The following PRKCE variants were observed in gnomAD, a reference collection of about 807,000 sequenced individuals.
The protein encoded by PRKCE is protein kinase C epsilon.
A neutral mutation model predicts 85.4 loss-of-function variants in PRKCE; 16 were observed. The observed-to-expected ratio is 0.19, with a 90% CI of 0.13 to 0.28. The LOEUF (loss-of-function observed/expected upper bound fraction) is 0.28. Ranked by LOEUF, PRKCE falls within the 10% of genes least tolerant of loss-of-function variation. The probability of loss-of-function intolerance (pLI) is 1.00; values close to 1 mark genes in which losing one functional copy is unlikely to be tolerated. For synonymous variants in PRKCE, 388 were observed against 371.5 expected (o/e 1.04, Z -0.51); for missense variants, 573 against 975.2 (o/e 0.59, Z 5.49).
chr2:45,936,475 G>A (rs1050604647), intron 2 of PRKCE, among the ~76,000 whole-genome samples: 1 of 152,168 alleles, frequency 6.6e-6, no homozygotes, highest in African/African-American at 2.4e-5. Context: ...ATCCAGTAGC[G>A]CCTCTGCCCT....
Position 45,653,696 on chromosome 2 carries a change from G to C in PRKCE, c.348+1248G>C, listed in dbSNP as rs116955393. 4.5e-4 allele frequency among the ~76,000 whole-genome samples: 69 copies of C among 152,198 alleles called. 1 individual carries two copies. The East Asian group carries it at 0.011, about 23-fold the overall frequency. ...CGGAGTTTTAGGGAAAAATAAGAGAGAGCCTGTTGTTTTTGTGCTCATGGC... is the reference window on the plus strand; with the variant it reads ...CGGAGTTTTAGGGAAAAATAAGAGACAGCCTGTTGTTTTTGTGCTCATGGC... On this transcript the variant is annotated intron_variant, in intron 1 of 14. Transcript: ENST00000306156.
In PRKCE at chr2:45,669,250, T is replaced by TAAGA. The variant is rs547552842; in HGVS notation, c.348+16803_348+16806dup. Among the ~76,000 whole-genome samples, 84 of 152,308 alleles carry TAAGA rather than the reference T, an allele frequency of 5.5e-4. 3 individuals are homozygous for TAAGA. Among genetic ancestry groups the TAAGA allele is most frequent in the Admixed American group, 4.2e-3 (64 of 15,298 alleles). On this transcript the variant is annotated intron_variant, in intron 1 of 14. Transcript: ENST00000306156. ...AAGGGGAAAAGGGGAGGAAGACAGA[T>TAAGA]AAGACAGTGATTCAGAAACAAGCAG...
At chr2:45,734,155 A>G (rs1012442348) in intron 1 of PRKCE, among the ~76,000 whole-genome samples, 1 of 152,150 alleles carries the variant, frequency 6.6e-6, no homozygotes, top group African/African-American at 2.4e-5. Flanking sequence ...TCATGAGGTC[A>G]ATAGATTGAG....
intron 1 of PRKCE, among the ~76,000 whole-genome samples, chr2:45,790,158 T>G (rs1338621301): frequency 6.6e-6 from 1 of 152,214 alleles, no homozygotes; most frequent in Non-Finnish European, 1.5e-5. Context: ...GTGCATTTTG[T>G]AGTTGCAAAA....
Position 46,086,303 on chromosome 2 carries a change from C to T in PRKCE, c.1533C>T (p.Phe511=), listed in dbSNP as rs765421914. 10 of 1,599,726 alleles carry T rather than the reference C, an allele frequency of 6.3e-6. No individual in the cohort carries two copies. Among genetic ancestry groups the T allele is most frequent in the Non-Finnish European group, 8.5e-6 (10 of 1,179,944 alleles). The stretch of plus-strand genomic sequence containing the variant: ...AATTCGACGAGCCTCGTTCACGGTT[C>T]TATGCTGCAGAGGTCACATCGGCCC... The part of the protein sequence containing the change: ...SRKFDEPRSR[F]YAAEVTSALM... The change falls in exon 11 of 15, where the codon TTC becomes TTT. Residue 511 remains phenylalanine (F), a synonymous_variant. Coordinates refer to ENST00000306156, the MANE Select transcript of PRKCE (RefSeq NM_005400.3).
chr2:46,154,124 C>T (rs1015497636), intron 13 of PRKCE, among the ~76,000 whole-genome samples: 5 of 152,098 alleles, frequency 3.3e-5, no homozygotes, highest in Admixed American at 6.5e-5. Flanking sequence ...AGCTTCCATT[C>T]GATTCCCAGT....
intron 8 of PRKCE, 91 bp from the exon 9 acceptor site, chr2:46,007,371 A>C: frequency 7.8e-7 from 1 of 1,286,294 alleles, no homozygotes. Flanking sequence ...GAGGACTGAG[A>C]GCTTACAGGG....
intron 11 of PRKCE, among the ~76,000 whole-genome samples, chr2:46,133,523 G>A (rs768124168): frequency 6.6e-6 from 1 of 152,176 alleles, no homozygotes. Context: ...TTATTACATA[G>A]TAGGGGCAAG....
intron 2 of PRKCE, among the ~76,000 whole-genome samples, chr2:45,901,684 C>T (rs1696593018): frequency 6.6e-6 from 1 of 152,122 alleles, no homozygotes; most frequent in South Asian, 2.1e-4. Context: ...TTTACATTTC[C>T]CATTATGTAT....
chr2:45,932,093 C>T (rs1357804340), intron 2 of PRKCE, among the ~76,000 whole-genome samples: 1 of 152,212 alleles, frequency 6.6e-6, no homozygotes, highest in African/African-American at 2.4e-5. Flanking sequence ...CCTCCATCCT[C>T]TCTTCTGCTC....
Position 46,044,801 on chromosome 2 carries a change from A to G in PRKCE, c.1437+34284A>G, listed in dbSNP as rs116173452. On this transcript the variant is annotated intron_variant, in intron 10 of 14. Coordinates refer to ENST00000306156, the MANE Select transcript of PRKCE (RefSeq NM_005400.3). Reference sequence around the variant, plus strand: ...CCTCTTAGCTCTGGATGAGCCCAGTATTGGAGCTGTGGATCCACTCTGTGC... The same window carrying G: ...CCTCTTAGCTCTGGATGAGCCCAGTGTTGGAGCTGTGGATCCACTCTGTGC... 4.2e-3 allele frequency among the ~76,000 whole-genome samples: 641 copies of G among 152,320 alleles called. 7 individuals carry two copies. The highest frequency in any genetic ancestry group is 0.015 in the African/African-American group (613 of 41,574).
At chr2:46,064,280 C>CCAAAAA (rs1667418057) in intron 10 of PRKCE, among the ~76,000 whole-genome samples, 1 of 90,848 alleles carries the variant, frequency 1.1e-5, no homozygotes, top group Non-Finnish European at 2.3e-5. Flanking sequence ...GACTCTGTCT[C>CCAAAAA]AAAAAAAAAA....
At position 46,185,647 on chromosome 2, in the gene PRKCE, G is replaced by T. The variant is rs1045792566; in HGVS notation, c.*766G>T. 6.6e-6 allele frequency: 1 copy of T among 152,628 alleles called. No individual in the cohort carries two copies. The highest frequency in any genetic ancestry group is 1.5e-5 in the Non-Finnish European group (1 of 68,036). The allele number at this position is 152,628 out of a possible 1,614,324, so 9.5% of individuals were successfully genotyped here. On this transcript the variant is annotated 3_prime_UTR_variant, in exon 15 of 15. Coordinates refer to ENST00000306156, the MANE Select transcript of PRKCE (RefSeq NM_005400.3). The surrounding 1 kb of genome is among the most constrained non-coding windows in gnomAD (Gnocchi z 4.7). ...ATGAGTTCCAGTCTGAATACAGGTA[G>T]ATATTAAAGGGCTAATAAAAAATGA...
At chr2:46,046,893 T>C (rs1209023413) in intron 10 of PRKCE, among the ~76,000 whole-genome samples, 1 of 152,196 alleles carries the variant, frequency 6.6e-6, no homozygotes, top group Non-Finnish European at 1.5e-5. Flanking sequence ...TGAGTGATCA[T>C]TGGTAGGACA....
intron 1 of PRKCE, among the ~76,000 whole-genome samples, chr2:45,744,769 T>C (rs1351406785): frequency 6.6e-6 from 1 of 151,680 alleles, no homozygotes; most frequent in Non-Finnish European, 1.5e-5. Context: ...CCACCATGCC[T>C]GGCTAATTTT....
intron 2 of PRKCE, among the ~76,000 whole-genome samples, chr2:45,966,372 G>A (rs1009677127): frequency 5.9e-5 from 9 of 152,138 alleles, no homozygotes; most frequent in Admixed American, 1.3e-4. Context: ...GCACGCATGC[G>A]GGATACTGTC....
intron 2 of PRKCE, among the ~76,000 whole-genome samples, chr2:45,929,321 A>G (rs562831054): frequency 6.6e-6 from 1 of 152,380 alleles, no homozygotes; most frequent in East Asian, 1.9e-4. Flanking sequence ...CTGAGACACC[A>G]AAGAGCGATA....
intron 11 of PRKCE, among the ~76,000 whole-genome samples, chr2:46,107,818 A>G (rs1434987437): frequency 2.0e-5 from 3 of 152,208 alleles, no homozygotes; most frequent in Non-Finnish European, 4.4e-5. Context: ...GATGTTACAC[A>G]TCTTTTCCTA....
At chr2:46,029,835 G>A (rs917778119) in intron 10 of PRKCE, among the ~76,000 whole-genome samples, 5 of 152,092 alleles carry the variant, frequency 3.3e-5, no homozygotes, top group Admixed American at 2.0e-4. Context: ...AAATGTAAGT[G>A]GAGGAGGAAA....
Sources: gnomAD v4.1 joint callset for allele counts (sites outside exome capture counted in the v4.1 genomes callset) on GRCh38, gnomAD v4.1.1 for gene constraint, Gnocchi (gnomAD v3.1) non-coding constraint, MANE v1.5 for transcripts, NCBI Gene and HGNC (gene_info 2026-07-23, HGNC 2026-07-21) for gene names.